TMEM135: variants seen among roughly 807,000 people sequenced by gnomAD.
TMEM135 encodes the protein peroxisomal membrane protein 52.
In TMEM135, 30 loss-of-function variants were observed where a neutral mutation model predicts 60.3. The observed-to-expected ratio is 0.50, with a 90% CI of 0.37 to 0.68. The LOEUF (loss-of-function observed/expected upper bound fraction) is 0.68, where lower values mean the gene tolerates loss of function less well. Among genes scored for constraint, TMEM135 ranks in the 30% least tolerant of loss-of-function variants. The pLI is 0.00. For missense variants in TMEM135, 468 were observed against 548.8 expected (o/e 0.85, Z 1.47); for synonymous variants, 190 against 186.7 (o/e 1.02, Z -0.14).
intron 6 of TMEM135, among the ~76,000 whole-genome samples, chr11:87,260,590 C>G (rs1023875005): frequency 6.6e-6 from 1 of 151,872 alleles, no homozygotes; most frequent in Non-Finnish European, 1.5e-5. Flanking sequence ...TAATATTTAA[C>G]AAAAACTGTG....
intron 6 of TMEM135, among the ~76,000 whole-genome samples, chr11:87,292,863 T>TGCCC (rs1942290495): frequency 6.6e-6 from 1 of 152,204 alleles, no homozygotes; most frequent in South Asian, 2.1e-4. Flanking sequence ...CATTTGTATA[T>TGCCC]GCCCCTCTTA....
chr11:87,246,486 C>A (rs1213525609), intron 6 of TMEM135, among the ~76,000 whole-genome samples: 1 of 152,228 alleles, frequency 6.6e-6, no homozygotes, highest in Non-Finnish European at 1.5e-5. Flanking sequence ...CTTTCAGGTA[C>A]ACCAGTCAGA....
chr11:87,227,783 G>C (rs956541739), intron 5 of TMEM135, among the ~76,000 whole-genome samples: 1 of 152,108 alleles, frequency 6.6e-6, no homozygotes, highest in Non-Finnish European at 1.5e-5. Flanking sequence ...TATTCACAAA[G>C]AGACCATGCA....
chr11:87,076,655 G>C (rs926418515), intron 3 of TMEM135, among the ~76,000 whole-genome samples: 3 of 152,208 alleles, frequency 2.0e-5, no homozygotes, highest in Non-Finnish European at 2.9e-5. Flanking sequence ...GGTCACATCT[G>C]TAGTGGGCAT....
At chr11:87,286,001 T>G (rs562867703) in intron 6 of TMEM135, among the ~76,000 whole-genome samples, 3 of 152,060 alleles carry the variant, frequency 2.0e-5, no homozygotes, top group South Asian at 4.2e-4. Flanking sequence ...CCTCACCAGA[T>G]TAGCTAGTTA....
chr11:87,047,441 G>T (rs373231215), intron 1 of TMEM135, among the ~76,000 whole-genome samples: 3 of 151,128 alleles, frequency 2.0e-5, no homozygotes, highest in Admixed American at 6.6e-5. Context: ...GACAGTGGGC[G>T]CAGGCCAGTG....
intron 4 of TMEM135, among the ~76,000 whole-genome samples, chr11:87,092,250 G>A (rs1857224110): frequency 6.6e-6 from 1 of 152,100 alleles, no homozygotes; most frequent in African/African-American, 2.4e-5. Context: ...GAGAAGTCAC[G>A]GCAGAAATAA....
At chr11:87,091,198 G>A (rs1403196468) in intron 3 of TMEM135, among the ~76,000 whole-genome samples, 164 bp from the exon 4 acceptor site, 1 of 151,954 alleles carries the variant, frequency 6.6e-6, no homozygotes, top group Non-Finnish European at 1.5e-5. Flanking sequence ...GCTAAATTTA[G>A]GTCAGAGAGA....
At chr11:87,265,579 T>C (rs572543180) in intron 6 of TMEM135, among the ~76,000 whole-genome samples, 3 of 152,210 alleles carry the variant, frequency 2.0e-5, no homozygotes, top group African/African-American at 7.2e-5. Flanking sequence ...GGAAAATAAT[T>C]GGTATGCACC....
At position 87,323,274 on chromosome 11, in the gene TMEM135, A is replaced by C; in HGVS notation, c.*1941A>C. ...TAAATTTTATGTAAAATGTAAAATG[A>C]AATAGCTATCATGAAGCAGAATACA... On this transcript the variant is annotated 3_prime_UTR_variant, in exon 15 of 15. Transcript: ENST00000305494. 1 of 453,814 alleles carries C rather than the reference A, an allele frequency of 2.2e-6. No homozygotes were observed. The highest frequency in any genetic ancestry group is 4.4e-6 in the Non-Finnish European group (1 of 226,640). 28.1% of individuals were successfully genotyped at this position (453,814 alleles called of 1,614,324 possible).
intron 6 of TMEM135, among the ~76,000 whole-genome samples, chr11:87,250,427 A>C (rs891324865): frequency 6.6e-6 from 1 of 151,636 alleles, no homozygotes; most frequent in African/African-American, 2.4e-5. Context: ...CTTATTATAA[A>C]CTTTTCTCTT....
intron 5 of TMEM135, among the ~76,000 whole-genome samples, chr11:87,225,639 C>A (rs1230084552): frequency 1.3e-5 from 2 of 151,756 alleles, no homozygotes; most frequent in African/African-American, 4.8e-5. Context: ...TTTCTTTTTA[C>A]CTTTGGAAGC....
At chr11:87,039,662 T>C (rs1565417285) in intron 1 of TMEM135, among the ~76,000 whole-genome samples, 2 of 152,206 alleles carry the variant, frequency 1.3e-5, no homozygotes, top group African/African-American at 4.8e-5. Context: ...AGGCTCAGAT[T>C]TGTAAAAAAT....
At chr11:87,054,618 T>G (rs73523139) in intron 1 of TMEM135, among the ~76,000 whole-genome samples, 1 of 152,298 alleles carries the variant, frequency 6.6e-6, no homozygotes, top group African/African-American at 2.4e-5. Context: ...CTTTGACTCA[T>G]TAGATTTGTC....
chr11:87,255,229 G>A (rs906677430), intron 6 of TMEM135, among the ~76,000 whole-genome samples: 3 of 152,112 alleles, frequency 2.0e-5, no homozygotes, highest in African/African-American at 7.2e-5. Context: ...CGGAAGAAGA[G>A]GGCAGGGCAA....
At chr11:87,247,157 C>T (rs1293171010) in intron 6 of TMEM135, among the ~76,000 whole-genome samples, 2 of 151,702 alleles carry the variant, frequency 1.3e-5, no homozygotes, top group Non-Finnish European at 2.9e-5. Context: ...GCCGTGGCTG[C>T]AGAAGAGCGG....
intron 5 of TMEM135, among the ~76,000 whole-genome samples, chr11:87,187,463 C>T (rs1039947774): frequency 6.6e-6 from 1 of 152,176 alleles, no homozygotes; most frequent in Admixed American, 6.5e-5. Flanking sequence ...TCCTATTGAA[C>T]TCGATATAAC....
intron 5 of TMEM135, among the ~76,000 whole-genome samples, chr11:87,204,003 C>G (rs571051628): frequency 3.3e-5 from 5 of 151,944 alleles, no homozygotes; most frequent in Non-Finnish European, 7.4e-5. Flanking sequence ...TTACTAGGTT[C>G]TTGTCAATCG....
intron 6 of TMEM135, among the ~76,000 whole-genome samples, chr11:87,249,515 T>C (rs769023894): frequency 5.3e-5 from 8 of 152,180 alleles, no homozygotes; most frequent in Non-Finnish European, 1.2e-4. Context: ...CTTGCTTTGC[T>C]CTTTTCTAGT....
Sources: gnomAD v4.1 joint callset for allele counts (sites outside exome capture counted in the v4.1 genomes callset) on GRCh38, gnomAD v4.1.1 for gene constraint, MANE v1.5 for transcripts, NCBI Gene and HGNC (gene_info 2026-07-23, HGNC 2026-07-21) for gene names.